SMIM8: variants seen among roughly 807,000 people sequenced by gnomAD.
SMIM8 encodes the protein UPF0708 protein C6orf162.
Under a neutral mutation model 8.1 loss-of-function variants are expected in SMIM8, and 8 were observed. The ratio of observed to expected loss-of-function variants is 0.99; its 90% CI spans 0.58 to 1.78. The LOEUF is 1.78. Ranked by LOEUF, SMIM8 falls within the 40% of genes most tolerant of loss-of-function variation. The pLI, the probability that SMIM8 is intolerant of heterozygous loss-of-function variation, is 0.00. For synonymous variants in SMIM8, 45 were observed against 39.7 expected (o/e 1.13, Z -0.50); for missense variants, 126 against 119.8 (o/e 1.05, Z -0.24).
rs1776985952 is a variant in SMIM8 at position 87,331,091 on chromosome 6, CAGCTTAAAAATAAAT to C, written c.-24+382_-24+396del. 6 of 152,176 alleles carry C rather than the reference CAGCTTAAAAATAAAT, an allele frequency of 3.9e-5. No individual in the cohort carries two copies. In the South Asian group the frequency reaches 1.2e-3, roughly 32 times the overall value. 9.4% of individuals were successfully genotyped at this position (152,176 alleles called of 1,614,324 possible). A position where few individuals can be genotyped will look rare whatever the true frequency, so the allele number is the denominator to read the frequency against. On this transcript the variant is annotated intron_variant, in intron 2 of 3. Coordinates refer to ENST00000392863, the MANE Select transcript of SMIM8 (RefSeq NM_001042493.3). ...ACACAGTAAATGAGGTTTTTAAATGCAGCTTAAAAATAAATAGATCCTCAAAGTGATAATAACTAG... is the reference window on the plus strand; with the variant it reads ...ACACAGTAAATGAGGTTTTTAAATGCAGATCCTCAAAGTGATAATAACTAG...
At chr6:87,323,855 C>T (rs1293311698) in intron 1 of SMIM8, among the ~76,000 whole-genome samples, 1 of 152,130 alleles carries the variant, frequency 6.6e-6, no homozygotes, top group Non-Finnish European at 1.5e-5. Context: ...GCCACACTGA[C>T]TTCCACAATG....
At chr6:87,339,262 A>G (rs1777169916) in intron 3 of SMIM8, among the ~76,000 whole-genome samples, 1 of 151,944 alleles carries the variant, frequency 6.6e-6, no homozygotes, top group Non-Finnish European at 1.5e-5. Context: ...TGATTGCACC[A>G]CTGCACTCCA....
chr6:87,338,051 T>C (rs767767140), intron 3 of SMIM8, among the ~76,000 whole-genome samples: 70 of 152,354 alleles, frequency 4.6e-4, no homozygotes, highest in Non-Finnish European at 8.5e-4. Flanking sequence ...TAGTTATCAA[T>C]GTAAACTTTT....
chr6:87,335,146 T>C (rs1777078911), intron 2 of SMIM8, among the ~76,000 whole-genome samples: 1 of 152,222 alleles, frequency 6.6e-6, no homozygotes, highest in Admixed American at 6.5e-5. Context: ...AAGTTATCTG[T>C]AATCATGAAA....
chr6:87,330,858 A>G (rs984463417), intron 2 of SMIM8, 146 bp downstream of exon 2: 10 of 152,092 alleles, frequency 6.6e-5, no homozygotes, highest in African/African-American at 2.4e-4. Context: ...CATGCATGGA[A>G]AAGGGAACAA....
rs1246197023 is a variant in SMIM8 at position 87,341,422 on chromosome 6, T to G, written c.*1148T>G. ...GACAGAGGTCAAGGCTAGGCCCCTG[T>G]GTCTGGCCAGATTCTGCCTTATAGA... On this transcript the variant is annotated 3_prime_UTR_variant, in exon 4 of 4. Transcript: ENST00000392863. 7.6e-6 allele frequency: 3 copies of G among 396,614 alleles called. No homozygotes were observed. Among genetic ancestry groups the G allele is most frequent in the African/African-American group, 2.1e-5 (1 of 48,570 alleles). The allele number at this position is 396,614 out of a possible 1,614,324, so 24.6% of individuals were successfully genotyped here.
chr6:87,325,678 T>C (rs1183687591), intron 1 of SMIM8, among the ~76,000 whole-genome samples: 8 of 152,110 alleles, frequency 5.3e-5, no homozygotes, highest in Non-Finnish European at 1.2e-4. Flanking sequence ...CAGTATTTTA[T>C]TGAGGATTTT....
Position 87,340,987 on chromosome 6 carries a change from A to G in SMIM8, c.*713A>G. The G allele has an allele frequency of 3.7e-6, 1 of 268,460 alleles. No individual in the cohort carries two copies. Among genetic ancestry groups the G allele is most frequent in the Non-Finnish European group, 6.9e-6 (1 of 145,376 alleles). The allele number at this position is 268,460 out of a possible 1,614,324, so 16.6% of individuals were successfully genotyped here. ...TTACTGAGGTATGATGATTTTGACT[A>G]CAACTAAATGTTATCTATTTTAGTG... On this transcript the variant is annotated 3_prime_UTR_variant, in exon 4 of 4. Coordinates refer to ENST00000392863, the MANE Select transcript of SMIM8 (RefSeq NM_001042493.3).
In SMIM8 at chr6:87,326,570, A is replaced by T. The variant is rs551667859; in HGVS notation, c.-45+3938A>T. ...AGGTTGTTCAGTTTCCATGTAGTTG[A>T]GTGGTTTTGAGTGAGATTCTTAATC... On this transcript the variant is annotated intron_variant, in intron 1 of 3. Coordinates refer to ENST00000392863, the MANE Select transcript of SMIM8 (RefSeq NM_001042493.3). Among the ~76,000 whole-genome samples the T allele has an allele frequency of 1.8e-3, 274 of 148,182 alleles. 1 individual carries two copies. Among genetic ancestry groups the T allele is most frequent in the Middle Eastern group, 0.01 (3 of 290 alleles).
intron 2 of SMIM8, among the ~76,000 whole-genome samples, chr6:87,333,319 C>T (rs1758850881): frequency 6.6e-6 from 1 of 152,182 alleles, no homozygotes; most frequent in Admixed American, 6.5e-5. Flanking sequence ...ACCCCCATGA[C>T]CCAAACACCT....
chr6:87,332,320 C>CATATATATAT (rs1209129014), intron 2 of SMIM8, among the ~76,000 whole-genome samples: 24 of 93,110 alleles, frequency 2.6e-4, no homozygotes, highest in African/African-American at 1.1e-3. Flanking sequence ...CCTCCCCCCC[C>CATATATATAT]ATATATGTAT....
At chr6:87,323,515 A>T (rs1209899089) in intron 1 of SMIM8, among the ~76,000 whole-genome samples, 2 of 147,216 alleles carry the variant, frequency 1.4e-5, no homozygotes, top group East Asian at 4.1e-4. Context: ...ATGAGTGAGA[A>T]TATGTGATGT....
Position 87,337,082 on chromosome 6 carries a change from G to T in SMIM8, c.51G>T (p.Glu17Asp). Reference protein sequence around the residue: ...PPTFKKEPPKEKEFQSPGLRG... With the variant: ...PPTFKKEPPKDKEFQSPGLRG... ...CATTCAAAAAGGAACCACCCAAAGA[G>T]AAAGAGTTTCAAAGCCCAGGGCTCA... Residue 17 changes from glutamate to aspartate, a missense_variant, in exon 3 of 4, where the codon GAG (glutamate) becomes GAT (aspartate). Transcript: ENST00000392863. The T allele has an allele frequency of 6.2e-7, 1 of 1,612,962 alleles. No homozygotes were observed. The highest frequency in any genetic ancestry group is 8.5e-7 in the Non-Finnish European group (1 of 1,179,364).
chr6:87,334,179 C>A (rs1044443555), intron 2 of SMIM8, among the ~76,000 whole-genome samples: 12 of 152,156 alleles, frequency 7.9e-5, no homozygotes, highest in African/African-American at 2.9e-4. Flanking sequence ...CAAATGCCTC[C>A]CACCAGGCTC....
intron 2 of SMIM8, among the ~76,000 whole-genome samples, chr6:87,336,129 G>A (rs1196577120): frequency 6.6e-6 from 1 of 152,146 alleles, no homozygotes; most frequent in Admixed American, 6.5e-5. Context: ...AGCGATTGCA[G>A]CATTTCCCCC....
intron 3 of SMIM8, among the ~76,000 whole-genome samples, chr6:87,338,620 C>A (rs1777160374): frequency 6.6e-6 from 1 of 152,216 alleles, no homozygotes; most frequent in Non-Finnish European, 1.5e-5. Context: ...CAAGACATGA[C>A]TACTGTCTCA....
chr6:87,323,485 C>T (rs1313371459), intron 1 of SMIM8, among the ~76,000 whole-genome samples: 1 of 142,914 alleles, frequency 7.0e-6, no homozygotes, highest in Non-Finnish European at 1.5e-5. Flanking sequence ...CCATGTGTTC[C>T]CATTGTTCAA....
At chr6:87,335,869 A>AT (rs1777104332) in intron 2 of SMIM8, among the ~76,000 whole-genome samples, 1 of 147,436 alleles carries the variant, frequency 6.8e-6, no homozygotes, top group Non-Finnish European at 1.5e-5. Flanking sequence ...AAAAAAAAAA[A>AT]AGCCAGGTGT....
At position 87,331,856 on chromosome 6, in the gene SMIM8, A is replaced by G. The variant is rs76438274; in HGVS notation, c.-24+1144A>G. Among the ~76,000 whole-genome samples the G allele has an allele frequency of 2.0e-3, 308 of 152,308 alleles. 10 individuals carry two copies. In the East Asian group the frequency reaches 0.055, roughly 27 times the overall value. ...TTATCCCACTTCTAATAAAAGAATG[A>G]TAAATAATAGAAAATGTTACTCTCA... is the stretch of plus-strand genomic sequence containing the variant. On this transcript the variant is annotated intron_variant, in intron 2 of 3. Transcript: ENST00000392863.
Sources: allele counts gnomAD v4.1 joint callset (sites outside exome capture counted in the v4.1 genomes callset), GRCh38; gene constraint gnomAD v4.1.1; transcripts MANE v1.5; gene names NCBI Gene and HGNC (gene_info 2026-07-23, HGNC 2026-07-21).